Variants in PARD3 observed in about 807,000 individuals in gnomAD.
PARD3 encodes partitioning defective 3 homolog.
A neutral mutation model predicts 155.4 loss-of-function variants in PARD3; 75 were observed. The observed-to-expected ratio is 0.48, with a 90% CI of 0.40 to 0.58. PARD3 has a LOEUF of 0.58. Ranked by LOEUF, PARD3 falls within the 20% of genes least tolerant of loss-of-function variation. The pLI is 0.00. For synonymous variants in PARD3, 576 were observed against 610.5 expected, an observed-to-expected ratio of 0.94 and a Z score of 0.83; for missense variants, 1,642 against 1,721.7, an observed-to-expected ratio of 0.95 and a Z score of 0.82.
chr10:34,565,616 T>C (rs1165864609), intron 2 of PARD3, among the ~76,000 whole-genome samples: 2 of 152,130 alleles, frequency 1.3e-5, no homozygotes, highest in African/African-American at 4.8e-5. Context: ...AACAACTTTG[T>C]GTTCCTGGTT....
intron 1 of PARD3, among the ~76,000 whole-genome samples, chr10:34,802,408 G>T (rs1279001701): frequency 6.6e-6 from 1 of 152,146 alleles, no homozygotes; most frequent in African/African-American, 2.4e-5. Context: ...TTTGAAACTT[G>T]AAGAGAAAGA....
At chr10:34,510,692 AT>A (rs138604959) in intron 3 of PARD3, among the ~76,000 whole-genome samples, 4,111 of 151,410 alleles carry the variant, frequency 0.027, 196 homozygotes, top group African/African-American at 0.095. Context: ...TGTTTCCTTT[AT>A]TTTTTTTTAA....
intron 22 of PARD3, among the ~76,000 whole-genome samples, chr10:34,148,345 T>C (rs532984847): frequency 6.6e-6 from 1 of 152,302 alleles, no homozygotes; most frequent in African/African-American, 2.4e-5. Context: ...CCTCCACAGA[T>C]ACCGTTTTGT....
chr10:34,155,512 G>C (rs922723371), intron 22 of PARD3, among the ~76,000 whole-genome samples: 8 of 152,252 alleles, frequency 5.3e-5, no homozygotes, highest in African/African-American at 1.9e-4. Flanking sequence ...GCTACGTGTT[G>C]GTTCAGCAGA....
chr10:34,263,226 G>C (rs1039013541), intron 22 of PARD3, among the ~76,000 whole-genome samples: 5 of 152,306 alleles, frequency 3.3e-5, no homozygotes, highest in African/African-American at 1.2e-4. Flanking sequence ...GCTTACTACA[G>C]ACCATGCTCA....
chr10:34,526,683 C>G (rs74548172), intron 2 of PARD3, among the ~76,000 whole-genome samples: 4,459 of 152,302 alleles, frequency 0.029, 225 homozygotes, highest in African/African-American at 0.1. Flanking sequence ...CATACCCACA[C>G]ACCACCCTCA....
At chr10:34,583,533 C>T (rs1210152609) in intron 2 of PARD3, among the ~76,000 whole-genome samples, 1 of 152,068 alleles carries the variant, frequency 6.6e-6, no homozygotes, top group African/African-American at 2.4e-5. Flanking sequence ...GAATCACTAT[C>T]CCTTATTTAC....
chr10:34,208,223 A>T (rs193154823), intron 22 of PARD3, among the ~76,000 whole-genome samples: 6 of 152,360 alleles, frequency 3.9e-5, no homozygotes, highest in African/African-American at 9.6e-5. Context: ...GTTGTCATGA[A>T]CTACTCTGCA....
At chr10:34,138,094 C>A (rs1947996632) in intron 22 of PARD3, among the ~76,000 whole-genome samples, 2 of 152,154 alleles carry the variant, frequency 1.3e-5, no homozygotes, top group African/African-American at 2.4e-5. Context: ...GTGCTTGTTG[C>A]AAAAGCATGT....
At chr10:34,492,049 C>T (rs1042071152) in intron 3 of PARD3, among the ~76,000 whole-genome samples, 2 of 152,160 alleles carry the variant, frequency 1.3e-5, no homozygotes, top group Non-Finnish European at 2.9e-5. Flanking sequence ...ATTTTCATTA[C>T]AGCAAACGAG....
At chr10:34,208,559 T>C (rs1234534699) in intron 22 of PARD3, among the ~76,000 whole-genome samples, 1 of 152,210 alleles carries the variant, frequency 6.6e-6, no homozygotes, top group Non-Finnish European at 1.5e-5. Context: ...GCATCTATAG[T>C]TGATTTCTTG....
intron 7 of PARD3, among the ~76,000 whole-genome samples, chr10:34,398,198 T>C (rs761519841): frequency 6.6e-6 from 1 of 152,180 alleles, no homozygotes; most frequent in Non-Finnish European, 1.5e-5. Flanking sequence ...TTTAGAACAT[T>C]GCATGAACCA....
intron 1 of PARD3, among the ~76,000 whole-genome samples, chr10:34,795,515 G>C (rs996153257): frequency 6.6e-6 from 1 of 152,040 alleles, no homozygotes; most frequent in African/African-American, 2.4e-5. Flanking sequence ...GAGGCTGAGA[G>C]GTGGGAGAAT....
At chr10:34,288,902 C>G (rs1447886275) in intron 20 of PARD3, among the ~76,000 whole-genome samples, 1 of 152,170 alleles carries the variant, frequency 6.6e-6, no homozygotes, top group African/African-American at 2.4e-5. Flanking sequence ...AAAGTGGCCA[C>G]CTACACTGGT....
chr10:34,327,070 A>G (rs1021768384), intron 19 of PARD3, among the ~76,000 whole-genome samples: 3 of 152,348 alleles, frequency 2.0e-5, no homozygotes, highest in South Asian at 2.1e-4. Context: ...GTATTTTTTA[A>G]AAGAAAACAA....
At chr10:34,564,504 G>C (rs2085765513) in intron 2 of PARD3, among the ~76,000 whole-genome samples, 1 of 152,212 alleles carries the variant, frequency 6.6e-6, no homozygotes, top group Non-Finnish European at 1.5e-5. Context: ...AATCTTCGGA[G>C]GGTTTTGAGG....
At chr10:34,621,251 G>C (rs939560522) in intron 2 of PARD3, among the ~76,000 whole-genome samples, 5 of 152,002 alleles carry the variant, frequency 3.3e-5, no homozygotes, top group Non-Finnish European at 7.4e-5. Context: ...GGGGAGGGAA[G>C]AGTCTCTGTC....
intron 22 of PARD3, among the ~76,000 whole-genome samples, chr10:34,165,821 C>T (rs1023936086): frequency 6.6e-6 from 1 of 152,112 alleles, no homozygotes; most frequent in Non-Finnish European, 1.5e-5. Context: ...CTGGTATATC[C>T]CATATCAATG....
At chr10:34,454,828 C>T (rs1589637560) in intron 4 of PARD3, among the ~76,000 whole-genome samples, 2 of 152,088 alleles carry the variant, frequency 1.3e-5, no homozygotes, top group Admixed American at 6.6e-5. Context: ...AAAGCCACTC[C>T]GGCTGGGAAA....
Sources: allele counts gnomAD v4.1 joint callset (sites outside exome capture counted in the v4.1 genomes callset), GRCh38; gene constraint gnomAD v4.1.1; transcripts MANE v1.5; gene names NCBI Gene and HGNC (gene_info 2026-07-23, HGNC 2026-07-21).